The following SLC9C2 variants were observed in gnomAD, a reference collection of about 807,000 sequenced individuals.
SLC9C2 encodes sodium/hydrogen exchanger 11.
In SLC9C2, 75 loss-of-function variants were observed where a neutral mutation model predicts 140.2. That is an observed-to-expected ratio of 0.53 (90% confidence interval 0.44 to 0.65). The LOEUF (loss-of-function observed/expected upper bound fraction) is 0.65. Ranked by LOEUF, SLC9C2 falls within the 30% of genes least tolerant of loss-of-function variation. The pLI, the probability that SLC9C2 is intolerant of heterozygous loss-of-function variation, is 0.00. For synonymous variants in SLC9C2, 375 were observed against 420.9 expected, an observed-to-expected ratio of 0.89 and a Z score of 1.34; for missense variants, 1,074 against 1,331.8, an observed-to-expected ratio of 0.81 and a Z score of 3.01.
chr1:173,526,112 C>T (rs1354193338), intron 19 of SLC9C2, among the ~76,000 whole-genome samples: 1 of 152,086 alleles, frequency 6.6e-6, no homozygotes, highest in Non-Finnish European at 1.5e-5. Context: ...CACACACTGA[C>T]AGCCTGGCCC....
rs747923378 is a variant in SLC9C2 at position 173,524,028 on chromosome 1, T to C, written c.2581A>G (p.Ile861Val). Residue 861 changes from isoleucine to valine, a missense_variant, in exon 21 of 28, where the codon ATA becomes GTA. Coordinates refer to ENST00000367714, the MANE Select transcript of SLC9C2 (RefSeq NM_178527.4). ...AGCCAAATGATGTTGTGAAGGTATA[T>C]GTCAGGAGTTGGGGGTGGGATTGCC... is the stretch of plus-strand genomic sequence containing the variant. ...PKAIPPPTPDIYLHNIIWLEG... is the reference protein window; with the variant it reads ...PKAIPPPTPDVYLHNIIWLEG... The C allele has an allele frequency of 5.6e-6, 9 of 1,613,702 alleles. No homozygotes were observed. Among genetic ancestry groups the C allele is most frequent in the Admixed American group, 1.7e-5 (1 of 59,954 alleles).
chr1:173,551,926 C>T (rs1663343082), intron 11 of SLC9C2, among the ~76,000 whole-genome samples: 4 of 152,088 alleles, frequency 2.6e-5, no homozygotes, highest in African/African-American at 7.2e-5. Context: ...ATAAGCCAAG[C>T]ACTAGGCCTT....
At chr1:173,588,206 T>C (rs1002857539) in intron 4 of SLC9C2, among the ~76,000 whole-genome samples, 2 of 152,170 alleles carry the variant, frequency 1.3e-5, no homozygotes, top group African/African-American at 4.8e-5. Flanking sequence ...CAAATTTATA[T>C]ACCAAGACTC....
chr1:173,556,394 G>A (rs552004444), intron 10 of SLC9C2, among the ~76,000 whole-genome samples: 1 of 152,100 alleles, frequency 6.6e-6, no homozygotes, highest in Non-Finnish European at 1.5e-5. Flanking sequence ...GTTTTGTTTT[G>A]TGATACAGAT....
intron 11 of SLC9C2, among the ~76,000 whole-genome samples, chr1:173,554,436 G>A (rs752620956): frequency 2.6e-4 from 39 of 152,164 alleles, no homozygotes; most frequent in Admixed American, 2.1e-3. Context: ...TCAAAGGAAA[G>A]GAACGTGGAT....
At chr1:173,599,134 T>G (rs1666613759) in intron 3 of SLC9C2, among the ~76,000 whole-genome samples, 2 of 152,096 alleles carry the variant, frequency 1.3e-5, no homozygotes, top group South Asian at 4.1e-4. Context: ...CCCTTTTTTT[T>G]TTGAGACGGA....
chr1:173,531,147 G>A (rs1661551320), intron 17 of SLC9C2, among the ~76,000 whole-genome samples: 1 of 152,054 alleles, frequency 6.6e-6, no homozygotes, highest in South Asian at 2.1e-4. Flanking sequence ...TACCTCACAA[G>A]GCTATCCTAT....
At chr1:173,517,842 G>A (rs1660525187) in intron 22 of SLC9C2, 138 bp from the exon 23 acceptor site, 13 of 681,750 alleles carry the variant, frequency 1.9e-5, no homozygotes, top group Non-Finnish European at 2.8e-5. Context: ...GAAGAATTAG[G>A]CTTAAGAAAA....
intron 24 of SLC9C2, 77 bp downstream of exon 24, chr1:173,509,490 CA>C: frequency 2.3e-6 from 3 of 1,314,268 alleles, no homozygotes. Context: ...ATTTTTGTCT[CA>C]AAAATATGAA....
chr1:173,508,690 A>G (rs1217210004), intron 24 of SLC9C2, among the ~76,000 whole-genome samples: 4 of 152,226 alleles, frequency 2.6e-5, no homozygotes, highest in Non-Finnish European at 5.9e-5. Flanking sequence ...TTCAGTGAAT[A>G]TTACTGAACT....
In SLC9C2 at chr1:173,543,405, A is replaced by G. The variant is rs886857764; in HGVS notation, c.1557+4284T>C. On this transcript the variant is annotated intron_variant, in intron 13 of 27. Transcript: ENST00000367714. ...TCATGCTCATAGATAGGAGGAATCAATATCGTGAAAATGGCCATACTGCCC... is the reference window on the plus strand; with the variant it reads ...TCATGCTCATAGATAGGAGGAATCAGTATCGTGAAAATGGCCATACTGCCC... Among the ~76,000 whole-genome samples, 43 of 152,242 alleles carry G rather than the reference A, an allele frequency of 2.8e-4. 1 individual carries two copies. Among genetic ancestry groups the G allele is most frequent in the African/African-American group, 9.9e-4 (41 of 41,470 alleles).
Position 173,533,639 on chromosome 1 carries a change from T to G in SLC9C2, c.2133A>C (p.Leu711Phe), listed in dbSNP as rs1372444540. 1.2e-6 allele frequency: 2 copies of G among 1,600,954 alleles called. No individual in the cohort carries two copies. Among genetic ancestry groups the G allele is most frequent in the Non-Finnish European group, 1.7e-6 (2 of 1,174,544 alleles). The change falls in exon 17 of 28, where the codon TTA becomes TTC. Residue 711 changes from leucine (L) to phenylalanine (F), a missense_variant. Coordinates refer to ENST00000367714, the MANE Select transcript of SLC9C2 (RefSeq NM_178527.4). Reference sequence around the variant, plus strand: ...AGAGAGGAAGAAACCTAATTATTCTTAAATATCCCATTATTACTGTAAGCT... The same window carrying G: ...AGAGAGGAAGAAACCTAATTATTCTGAAATATCCCATTATTACTGTAAGCT... ...LIQLTVIMGY[L>F]RIIRFLPLFK...
At chr1:173,557,193 G>A (rs927664192) in intron 10 of SLC9C2, 147 bp downstream of exon 10, 6 of 718,986 alleles carry the variant, frequency 8.3e-6, no homozygotes, top group African/African-American at 7.1e-5. Context: ...CATAAATAAC[G>A]TTCTGCTCTG....
intron 11 of SLC9C2, among the ~76,000 whole-genome samples, chr1:173,553,166 C>T (rs1663436972): frequency 6.6e-6 from 1 of 152,176 alleles, no homozygotes; most frequent in Non-Finnish European, 1.5e-5. Context: ...TGAATTGCTG[C>T]AATCTCAGGA....
At position 173,535,858 on chromosome 1, in the gene SLC9C2, T is replaced by C; in HGVS notation, c.1747A>G (p.Ile583Val). 2.6e-6 allele frequency: 4 copies of C among 1,517,592 alleles called. No individual in the cohort carries two copies. The South Asian group carries it at 4.8e-5, about 18-fold the overall frequency. The allele number at this position is 1,517,592 out of a possible 1,614,324, so 94.0% of individuals were successfully genotyped here. A position where few individuals can be genotyped will look rare whatever the true frequency, so the allele number is the denominator to read the frequency against. ...KNVLTFLEYC[I>V]EKIHFIPPES... ...GGTGGAATAAAATGTATCTTTTCTA[T>C]ACAATATTCCAAGAAAGTTAAAACA... Residue 583 changes from isoleucine to valine, a missense_variant, in exon 15 of 28, where the codon ATA (isoleucine) becomes GTA (valine). Coordinates refer to ENST00000367714, the MANE Select transcript of SLC9C2 (RefSeq NM_178527.4).
intron 4 of SLC9C2, among the ~76,000 whole-genome samples, chr1:173,593,057 C>A (rs1666255181): frequency 6.6e-6 from 1 of 152,170 alleles, no homozygotes; most frequent in African/African-American, 2.4e-5. Flanking sequence ...CCAGACCCAC[C>A]TTACAAGAGA....
rs959803664 is a variant in SLC9C2 at position 173,500,892 on chromosome 1, T to C, written c.*202A>G. On this transcript the variant is annotated 3_prime_UTR_variant, in exon 28 of 28. Coordinates refer to ENST00000367714, the MANE Select transcript of SLC9C2 (RefSeq NM_178527.4). ...TTTAACATCCCAAATATAATGCAAC[T>C]ACTTAAAATTAAGAAGTTTTACAGA... 2 of 404,386 alleles carry C rather than the reference T, an allele frequency of 4.9e-6. No individual in the cohort carries two copies. The highest frequency in any genetic ancestry group is 8.3e-6 in the Non-Finnish European group (2 of 240,824). The allele number at this position is 404,386 out of a possible 1,614,324, so 25.0% of individuals were successfully genotyped here. A position where few individuals can be genotyped will look rare whatever the true frequency, so the allele number is the denominator to read the frequency against.
intron 9 of SLC9C2, among the ~76,000 whole-genome samples, chr1:173,565,939 T>C (rs1205734078): frequency 6.6e-6 from 1 of 152,128 alleles, no homozygotes; most frequent in Non-Finnish European, 1.5e-5. Flanking sequence ...AATGATTACA[T>C]GGTTTTTGTC....
At chr1:173,576,514 C>G (rs185044038) in intron 8 of SLC9C2, 147 bp downstream of exon 8, 7 of 541,914 alleles carry the variant, frequency 1.3e-5, no homozygotes, top group Non-Finnish European at 1.9e-5. Context: ...ACCTTAAATT[C>G]TTTTCAAATA....
Sources: allele counts gnomAD v4.1 joint callset (sites outside exome capture counted in the v4.1 genomes callset), GRCh38; gene constraint gnomAD v4.1.1; transcripts MANE v1.5; gene names NCBI Gene and HGNC (gene_info 2026-07-23, HGNC 2026-07-21).